JAG2: variants seen among roughly 807,000 people sequenced by gnomAD.
The protein encoded by JAG2 is protein jagged-2.
In JAG2, 46 loss-of-function variants were observed where a neutral mutation model predicts 141.7. The ratio of observed to expected loss-of-function variants is 0.32; its 90% confidence interval spans 0.26 to 0.42. The LOEUF is 0.42. Ranked by LOEUF, JAG2 falls within the 10% of genes least tolerant of loss-of-function variation. JAG2 has a pLI of 1.00. For synonymous variants in JAG2, 862 were observed against 763.5 expected (o/e 1.13, Z -2.13); for missense variants, 1,500 against 1,817.5 (o/e 0.83, Z 3.18).
chr14:105,143,498 C>T lies in JAG2; in HGVS notation c.3225G>A (p.Thr1075=), dbSNP rs377415384. ...VTEVKVETVV[T]GGSSTGLLVP... is the part of the protein sequence containing the mutation. ...CGCGCTTACCTGTGGAAGAGCCGCC[C>T]GTAACAACCGTCTCCACCTTGACCT... The change falls in exon 25 of 26, where the codon ACG becomes ACA. Residue 1075 remains threonine (T), a synonymous_variant. Transcript: ENST00000331782. 7.1e-5 allele frequency: 111 copies of T among 1,561,722 alleles called. No homozygotes were observed. The highest frequency in any genetic ancestry group is 9.4e-5 in the South Asian group (8 of 85,092).
intron 23 of JAG2, among the ~76,000 whole-genome samples, chr14:105,145,474 G>A (rs80233916): frequency 0.019 from 2,855 of 152,294 alleles, 86 homozygotes; most frequent in African/African-American, 0.063. Context: ...CCATGGCGCC[G>A]TCAGTCCAGG....
chr14:105,167,718 G>A lies in JAG2; in HGVS notation c.417+39C>T, dbSNP rs1403540848. The A allele has an allele frequency of 4.3e-6, 6 of 1,401,030 alleles. No homozygotes were observed. Among genetic ancestry groups the A allele is most frequent in the African/African-American group, 1.5e-5 (1 of 66,346 alleles). The allele number at this position is 1,401,030 out of a possible 1,614,324, so 86.8% of individuals were successfully genotyped here. On this transcript the variant is annotated intron_variant, in intron 2 of 25. Coordinates refer to ENST00000331782, the MANE Select transcript of JAG2 (RefSeq NM_002226.5). The surrounding 1 kb of genome is among the most constrained non-coding windows in gnomAD (Gnocchi z 4.8). Reference sequence around the variant, plus strand: ...CGCGCGGGGCCGGGGCGCGGAGAGAGAGGGAAGGGCTGGAGCACGAGGGAT... The same window carrying A: ...CGCGCGGGGCCGGGGCGCGGAGAGAAAGGGAAGGGCTGGAGCACGAGGGAT...
chr14:105,157,339 A>G (rs1028000624), intron 3 of JAG2, among the ~76,000 whole-genome samples: 6 of 149,086 alleles, frequency 4.0e-5, no homozygotes, highest in African/African-American at 1.5e-4. Context: ...AGGGCCCTGC[A>G]GAGCCCCTGC....
rs1888417227 is a variant in JAG2, at chr14:105,151,213, C to CGCAGCCCCCGCAGCCCCA, written c.1267+69_1267+70insTGGGGCTGCGGGGGCTGC. 114 of 1,372,688 alleles carry CGCAGCCCCCGCAGCCCCA rather than the reference C, an allele frequency of 8.3e-5. No individual in the cohort carries two copies. In the East Asian group the frequency reaches 1.6e-3, roughly 19 times the overall value. 85.0% of individuals were successfully genotyped at this position (1,372,688 alleles called of 1,614,324 possible). On this transcript the variant is annotated intron_variant, in intron 9 of 25. Transcript: ENST00000331782. Reference sequence around the variant, plus strand: ...CAGCCCCAGCAGCCCCAGCAGCCCCCGCAGCCCCAGCAGCCCCCGCAGCCC... The same window carrying CGCAGCCCCCGCAGCCCCA: ...CAGCCCCAGCAGCCCCAGCAGCCCCCGCAGCCCCCGCAGCCCCAGCAGCCCCAGCAGCCCCCGCAGCCC...
At chr14:105,164,288 G>A (rs1289328750) in intron 2 of JAG2, among the ~76,000 whole-genome samples, 1 of 152,114 alleles carries the variant, frequency 6.6e-6, no homozygotes, top group African/African-American at 2.4e-5. Context: ...CCAAAGCTTT[G>A]AACCAGACCC....
intron 15 of JAG2, 97 bp downstream of exon 15, chr14:105,148,648 G>A (rs1012801717): frequency 6.4e-5 from 75 of 1,165,702 alleles, no homozygotes; most frequent in African/African-American, 7.6e-5. Flanking sequence ...TTCTGGGTAC[G>A]GGGCCTGCCG....
chr14:105,143,154 C>T lies in JAG2; in HGVS notation c.3258G>A (p.Val1086=). 1.3e-6 allele frequency: 2 copies of T among 1,598,420 alleles called. No individual in the cohort carries two copies. The highest frequency in any genetic ancestry group is 2.2e-5 in the South Asian group (2 of 91,066). The change falls in exon 26 of 26, where the codon GTG becomes GTA. Residue 1086 remains valine (V), a synonymous_variant. Coordinates refer to ENST00000331782, the MANE Select transcript of JAG2 (RefSeq NM_002226.5). ...ACAGCACGCTGAAGGCACCACACAG[C>T]ACAGGCACCAGCAGACCTGGGGACC... ...GGSSTGLLVP[V]LCGAFSVLWL...
Position 105,167,355 on chromosome 14 carries a change from C to T in JAG2, c.417+402G>A, listed in dbSNP as rs1888947414. Among the ~76,000 whole-genome samples, 2 of 152,168 alleles carry T rather than the reference C, an allele frequency of 1.3e-5. No homozygotes were observed. The highest frequency in any genetic ancestry group is 6.5e-5 in the Admixed American group (1 of 15,298). Reference sequence around the variant, plus strand: ...GGCAGGCGCAGGCTGGCCACGGGCCCGGGGCGGCTCAGTCAGGGCCTGCCC... The same window carrying T: ...GGCAGGCGCAGGCTGGCCACGGGCCTGGGGCGGCTCAGTCAGGGCCTGCCC... On this transcript the variant is annotated intron_variant, in intron 2 of 25. Transcript: ENST00000331782. This position sits in a 1 kb window ranked among gnomAD's most constrained non-coding sequence, Gnocchi z 4.8.
At position 105,148,848 on chromosome 14, in the gene JAG2, G is replaced by A. The variant is rs1219012652; in HGVS notation, c.1917C>T (p.Asp639=). The A allele has an allele frequency of 6.3e-7, 1 of 1,591,874 alleles. No individual in the cohort carries two copies. The highest frequency in any genetic ancestry group is 8.5e-7 in the Non-Finnish European group (1 of 1,170,084). The change falls in exon 15 of 26, where the codon GAC becomes GAT. Residue 639 remains aspartate (D), a synonymous_variant. Coordinates refer to ENST00000331782, the MANE Select transcript of JAG2 (RefSeq NM_002226.5). ...CATTGCGGCAGGGCTGGCCCAGGCA[G>A]TCGTCAATGTCTGCAGAGGCGAGCG... The part of the protein sequence containing the change: ...TGTYCHENID[D]CLGQPCRNGG...
chr14:105,151,551 C>T, intron 8 of JAG2, 75 bp downstream of exon 8: 1 of 1,373,390 alleles, frequency 7.3e-7, no homozygotes, highest in Admixed American at 2.0e-5. Context: ...TGCACCCCAT[C>T]CCCAGCGAGT....
Position 105,154,713 on chromosome 14 carries a change from C to T in JAG2, c.788+849G>A, listed in dbSNP as rs1017315132. Among the ~76,000 whole-genome samples the T allele has an allele frequency of 4.6e-5, 7 of 152,098 alleles. No homozygotes were observed. The highest frequency in any genetic ancestry group is 8.8e-5 in the Non-Finnish European group (6 of 68,002). Reference sequence around the variant, plus strand: ...CCTGAATGCCACCCCCCACAGGCCCCGCGTGGCGCAGGCCAGGCCTCTCCC... The same window carrying T: ...CCTGAATGCCACCCCCCACAGGCCCTGCGTGGCGCAGGCCAGGCCTCTCCC... On this transcript the variant is annotated intron_variant, in intron 5 of 25. Coordinates refer to ENST00000331782, the MANE Select transcript of JAG2 (RefSeq NM_002226.5). This position sits in a 1 kb window ranked among gnomAD's most constrained non-coding sequence, Gnocchi z 4.4.
intron 8 of JAG2, 22 bp from the exon 9 acceptor site, chr14:105,151,418 G>A (rs755659807): frequency 2.0e-5 from 32 of 1,601,214 alleles, no homozygotes; most frequent in South Asian, 8.8e-5. Flanking sequence ...GGAGAAAGGT[G>A]GGGCCCTGGC....
At chr14:105,147,616 G>C in intron 18 of JAG2, 89 bp from the exon 19 acceptor site, 1 of 1,385,616 alleles carries the variant, frequency 7.2e-7, no homozygotes. Flanking sequence ...TGATCAGGCT[G>C]TGGGGCTGGG....
chr14:105,143,022 C>T lies in JAG2; in HGVS notation c.3390G>A (p.Pro1130=), dbSNP rs35304114. ...REESANNQWA[P]LNPIRNPIER... ...CAATGGGGTTGCGGATGGGGTTGAG[C>T]GGGGCCCACTGGTTGTTGGCGCTCT... The change falls in exon 26 of 26, where the codon CCG becomes CCA. Residue 1130 remains proline, a synonymous_variant. Coordinates refer to ENST00000331782, the MANE Select transcript of JAG2 (RefSeq NM_002226.5). 1.5e-3 allele frequency: 2,368 copies of T among 1,606,130 alleles called. 25 individuals carry two copies. The African/African-American group carries it at 0.028, about 19-fold the overall frequency.
chr14:105,163,426 C>T (rs1189954566), intron 2 of JAG2, among the ~76,000 whole-genome samples: 1 of 152,190 alleles, frequency 6.6e-6, no homozygotes, highest in Admixed American at 6.5e-5. Context: ...CCTCTAGGTC[C>T]CAGGTCCCCC....
At chr14:105,168,213 G>T in intron 1 of JAG2, 106 bp from the exon 2 acceptor site, 1 of 822,536 alleles carries the variant, frequency 1.2e-6, no homozygotes, top group South Asian at 6.2e-5. Context: ...CCACCCAGCC[G>T]CGCCCGCCCG....
rs1471617389 is a variant in JAG2, at chr14:105,152,295, G to A, written c.789-4C>T. The A allele has an allele frequency of 5.0e-6, 8 of 1,612,734 alleles. No individual in the cohort carries two copies. The highest frequency in any genetic ancestry group is 6.8e-6 in the Non-Finnish European group (8 of 1,179,818). On this transcript the variant is annotated splice_polypyrimidine_tract_variant and splice_region_variant and intron_variant, in intron 5 of 25. Transcript: ENST00000331782. ...CCCTTGCCAGCCGTAGCTGCACCTG[G>A]GGGAAGGAGGAGGGGCGCAAGACCC...
At chr14:105,144,273 G>A (rs1888156297) in intron 24 of JAG2, among the ~76,000 whole-genome samples, 1 of 151,430 alleles carries the variant, frequency 6.6e-6, no homozygotes, top group African/African-American at 2.4e-5. Flanking sequence ...CCCTGATGGC[G>A]CCCTGACCTG....
chr14:105,146,510 G>C lies in JAG2; in HGVS notation c.2594-10C>G. The C allele has an allele frequency of 6.2e-7, 1 of 1,611,782 alleles. No homozygotes were observed. Among genetic ancestry groups the C allele is most frequent in the Non-Finnish European group, 8.5e-7 (1 of 1,179,036 alleles). ...CTCCCGAACCCGATCACTGTGGGGAGAAGGGGCTCGAGGGTCAGCAGTGGG... is the reference window on the plus strand; with the variant it reads ...CTCCCGAACCCGATCACTGTGGGGACAAGGGGCTCGAGGGTCAGCAGTGGG... On this transcript the variant is annotated splice_polypyrimidine_tract_variant and intron_variant, in intron 21 of 25. Transcript: ENST00000331782.
Sources: gnomAD v4.1 joint callset for allele counts (sites outside exome capture counted in the v4.1 genomes callset) on GRCh38, gnomAD v4.1.1 for gene constraint, Gnocchi (gnomAD v3.1) non-coding constraint, MANE v1.5 for transcripts, NCBI Gene and HGNC (gene_info 2026-07-23, HGNC 2026-07-21) for gene names.